DPP8: variants seen among roughly 807,000 people sequenced by gnomAD.
DPP8 encodes the protein dipeptidyl peptidase 8, also known as DPP VIII.
In DPP8, 31 loss-of-function variants were observed where a neutral mutation model predicts 107.5. The ratio of observed to expected loss-of-function variants is 0.29; its 90% CI spans 0.22 to 0.39. DPP8 has a LOEUF of 0.39. DPP8 is among the 10% of genes least tolerant of loss of function. DPP8 has a pLI of 1.00. For synonymous variants in DPP8, 381 were observed against 356.6 expected (o/e 1.07, Z -0.77); for missense variants, 842 against 1,076.1 (o/e 0.78, Z 3.04).
At chr15:65,515,995 C>T in intron 1 of DPP8, 2 of 446,500 alleles carry the variant, frequency 4.5e-6, no homozygotes, top group South Asian at 1.3e-4. Context: ...GATGTGTAGC[C>T]CAATATAGTC....
At chr15:65,455,931 C>A in intron 16 of DPP8, 1 of 1,045,706 alleles carries the variant, frequency 9.6e-7, no homozygotes, top group Admixed American at 2.6e-5. Context: ...AATTATTCCT[C>A]AACTGTGTAC....
intron 19 of DPP8, 53 bp from the exon 20 acceptor site, chr15:65,447,059 C>T (rs1250447593): frequency 4.4e-6 from 6 of 1,376,214 alleles, no homozygotes; most frequent in Admixed American, 2.3e-5. Flanking sequence ...TTTAGTAATA[C>T]ATCTTCTTCC....
chr15:65,484,544 T>C (rs1341381587), intron 8 of DPP8, among the ~76,000 whole-genome samples: 1 of 151,990 alleles, frequency 6.6e-6, no homozygotes, highest in Non-Finnish European at 1.5e-5. Flanking sequence ...TAAAGCTGTT[T>C]TTAAAAAAGT....
rs376722125 is a variant in DPP8, at chr15:65,500,692, C to T, written c.460G>A (p.Asp154Asn). Residue 154 changes from aspartate to asparagine, a missense_variant, in exon 4 of 20, where the codon GAT becomes AAT. This residue lies in a region of DPP8 where 663 missense variants were observed against 758.0 expected (regional missense o/e 0.87). Coordinates refer to ENST00000300141, the MANE Select transcript of DPP8 (RefSeq NM_130434.5). ...RIGTVGIASY[D>N]YHQGSGTFLF... ...AATGTTCCACTTCCTTGGTGATAATCGTAAGAAGCAATTCCGACTGTTCCA... is the reference window on the plus strand; with the variant it reads ...AATGTTCCACTTCCTTGGTGATAATTGTAAGAAGCAATTCCGACTGTTCCA... 4.3e-6 allele frequency: 7 copies of T among 1,613,774 alleles called. No homozygotes were observed. Among genetic ancestry groups the T allele is most frequent in the Non-Finnish European group, 5.9e-6 (7 of 1,179,764 alleles).
chr15:65,502,563 G>C (rs987967627), intron 3 of DPP8, among the ~76,000 whole-genome samples: 1 of 151,748 alleles, frequency 6.6e-6, no homozygotes, highest in Admixed American at 6.6e-5. Context: ...CTGTAGTCCC[G>C]GCTACTCAGA....
At chr15:65,456,478 T>C in intron 15 of DPP8, 107 bp from the exon 16 acceptor site, 1 of 1,112,854 alleles carries the variant, frequency 9.0e-7, no homozygotes, top group Non-Finnish European at 1.3e-6. Context: ...TTATTTTACC[T>C]TTAAAATGTA....
At chr15:65,485,022 A>AG in intron 8 of DPP8, 77 bp downstream of exon 8, 1 of 1,154,628 alleles carries the variant, frequency 8.7e-7, no homozygotes, top group Non-Finnish European at 1.3e-6. Context: ...AAAATAAAAA[A>AG]GTGTATCAAA....
intron 3 of DPP8, among the ~76,000 whole-genome samples, chr15:65,502,175 C>T (rs2069317635): frequency 6.6e-6 from 1 of 152,076 alleles, no homozygotes; most frequent in South Asian, 2.1e-4. Flanking sequence ...AGGTGTGAGC[C>T]ACCAAGCCTG....
rs1016626236 is a variant in DPP8 at position 65,488,985 on chromosome 15, G to A, written c.827-1167C>T. On this transcript the variant is annotated intron_variant, in intron 6 of 19. Coordinates refer to ENST00000300141, the MANE Select transcript of DPP8 (RefSeq NM_130434.5). ...TTTTTTGTTTGTTTGTTTTCGAGACGGAGTCTCGCTCTGTTGCCAGGCTGG... is the reference window on the plus strand; with the variant it reads ...TTTTTTGTTTGTTTGTTTTCGAGACAGAGTCTCGCTCTGTTGCCAGGCTGG... 6.6e-5 allele frequency among the ~76,000 whole-genome samples: 10 copies of A among 152,208 alleles called. No individual in the cohort carries two copies. The Middle Eastern group carries it at 0.01, about 155-fold the overall frequency.
intron 14 of DPP8, among the ~76,000 whole-genome samples, chr15:65,466,170 G>T (rs920001): frequency 6.6e-6 from 1 of 152,078 alleles, no homozygotes; most frequent in African/African-American, 2.4e-5. Context: ...ACAAGGTCTT[G>T]CTTTGTCACC....
At chr15:65,498,338 C>T (rs578199593) in intron 4 of DPP8, among the ~76,000 whole-genome samples, 174 of 152,022 alleles carry the variant, frequency 1.1e-3, no homozygotes, top group African/African-American at 3.9e-3. Context: ...AGGAGAATTG[C>T]TTGAACCTGG....
Position 65,451,985 on chromosome 15 carries a change from T to C in DPP8, c.2389A>G (p.Met797Val), listed in dbSNP as rs748734811. The C allele has an allele frequency of 1.2e-6, 2 of 1,604,078 alleles. No homozygotes were observed. Among genetic ancestry groups the C allele is most frequent in the South Asian group, 1.1e-5 (1 of 89,278 alleles). ...EQGYYLGSVA[M>V]QAEKFPSEPN... ...TCAGAGGGGAACTTTTCTGCTTGCA[T>C]GGCCACAGATCCTAAGTAATAGCCC... The change falls in exon 18 of 20, where the codon ATG (methionine) becomes GTG (valine). Residue 797 changes from methionine to valine, a missense_variant. Coordinates refer to ENST00000300141, the MANE Select transcript of DPP8 (RefSeq NM_130434.5).
intron 10 of DPP8, among the ~76,000 whole-genome samples, chr15:65,479,640 C>T (rs1280403722): frequency 6.6e-6 from 1 of 151,162 alleles, no homozygotes; most frequent in Non-Finnish European, 1.5e-5. Flanking sequence ...GTCAGGAGAT[C>T]GAGACCATCC....
chr15:65,461,282 C>T (rs544711910), intron 15 of DPP8, among the ~76,000 whole-genome samples: 97 of 152,100 alleles, frequency 6.4e-4, no homozygotes, highest in African/African-American at 2.3e-3. Flanking sequence ...GTAGATGGGA[C>T]TGCAGGCATG....
At chr15:65,466,864 T>C (rs1595908233) in intron 13 of DPP8, 51 bp from the exon 14 acceptor site, 1 of 1,567,024 alleles carries the variant, frequency 6.4e-7, no homozygotes, top group Non-Finnish European at 8.7e-7. Flanking sequence ...TAGAAAAGGT[T>C]ATCTGCTGTT....
intron 16 of DPP8, chr15:65,455,411 C>T (rs371139040): frequency 8.2e-4 from 151 of 184,924 alleles, no homozygotes; most frequent in African/African-American, 3.4e-3. Context: ...TGGGATTACA[C>T]GCGTGAGCCA....
intron 19 of DPP8, among the ~76,000 whole-genome samples, chr15:65,448,685 A>T (rs1181369419): frequency 7.3e-6 from 1 of 136,434 alleles, no homozygotes; most frequent in East Asian, 2.0e-4. Flanking sequence ...AAAAAAAAAA[A>T]AAAAAATATA....
At chr15:65,486,073 G>A (rs1402378490) in intron 7 of DPP8, among the ~76,000 whole-genome samples, 3 of 141,386 alleles carry the variant, frequency 2.1e-5, no homozygotes, top group East Asian at 2.2e-4. Flanking sequence ...CAGCCTGGGC[G>A]ACACAGCGAG....
chr15:65,448,749 TAC>T (rs1263304537), intron 19 of DPP8, among the ~76,000 whole-genome samples: 1 of 137,562 alleles, frequency 7.3e-6, no homozygotes, highest in Admixed American at 7.6e-5. Flanking sequence ...ATCTAAAATA[TAC>T]ATATATATCT....
Sources: allele counts gnomAD v4.1 joint callset (sites outside exome capture counted in the v4.1 genomes callset), GRCh38; gene constraint gnomAD v4.1.1; regional missense constraint gnomAD v4.1.1; transcripts MANE v1.5; gene names NCBI Gene and HGNC (gene_info 2026-07-23, HGNC 2026-07-21).